Variants in GRIN2B observed in about 807,000 individuals in gnomAD.
The protein encoded by GRIN2B is glutamate receptor ionotropic, NMDA 2B.
GRIN2B carries 5 observed loss-of-function variants against 114.5 expected under a neutral mutation model. The observed-to-expected ratio is 0.04, with a 90% CI of 0.02 to 0.09. The LOEUF is 0.09. Ranked by LOEUF, GRIN2B falls within the 10% of genes least tolerant of loss-of-function variation. The pLI, the probability that GRIN2B is intolerant of heterozygous loss-of-function variation, is 1.00. For missense variants in GRIN2B, 1,108 were observed against 1,943.5 expected, an observed-to-expected ratio of 0.57 and a Z score of 8.08; for synonymous variants, 787 against 745.1, an observed-to-expected ratio of 1.06 and a Z score of -0.92.
At chr12:13,717,618 G>C (rs538271928) in intron 4 of GRIN2B, among the ~76,000 whole-genome samples, 2 of 151,898 alleles carry the variant, frequency 1.3e-5, no homozygotes, top group African/African-American at 2.4e-5. Flanking sequence ...CAGTAGACGC[G>C]CGAGAACCCA....
chr12:13,548,916 T>C lies in GRIN2B; in HGVS notation c.*13867A>G, dbSNP rs1274286919. On this transcript the variant is annotated 3_prime_UTR_variant, in exon 14 of 14. Coordinates refer to ENST00000609686, the MANE Select transcript of GRIN2B (RefSeq NM_000834.5). Reference sequence around the variant, plus strand: ...GATCAGTACACTCTGAAGTTGATGGTATAGAAGTCTCCTCACTCATTCATC... The same window carrying C: ...GATCAGTACACTCTGAAGTTGATGGCATAGAAGTCTCCTCACTCATTCATC... The C allele has an allele frequency of 1.3e-5, 2 of 151,990 alleles. No individual in the cohort carries two copies. The highest frequency in any genetic ancestry group is 4.8e-5 in the African/African-American group (2 of 41,340). 9.4% of individuals were successfully genotyped at this position (151,990 alleles called of 1,614,324 possible). A position where few individuals can be genotyped will look rare whatever the true frequency, so the allele number is the denominator to read the frequency against.
chr12:13,981,541 A>G lies in GRIN2B; in HGVS notation c.-647T>C, dbSNP rs926232889. On this transcript the variant is annotated 5_prime_UTR_variant, in exon 1 of 14. Coordinates refer to ENST00000609686, the MANE Select transcript of GRIN2B (RefSeq NM_000834.5). The stretch of plus-strand genomic sequence containing the variant: ...TGGTGGTGATCAAGAATCACCCTTG[A>G]CGAGCACTCTCGATAGAGCGAAGCC... 2 of 151,826 alleles carry G rather than the reference A, an allele frequency of 1.3e-5. No individual in the cohort carries two copies. Among genetic ancestry groups the G allele is most frequent in the South Asian group, 2.1e-4 (1 of 4,764 alleles). 9.4% of individuals were successfully genotyped at this position (151,826 alleles called of 1,614,324 possible). A position where few individuals can be genotyped will look rare whatever the true frequency, so the allele number is the denominator to read the frequency against.
chr12:13,635,427 C>T (rs1949658466), intron 5 of GRIN2B, among the ~76,000 whole-genome samples: 1 of 152,158 alleles, frequency 6.6e-6, no homozygotes, highest in South Asian at 2.1e-4. Flanking sequence ...TTCCCAGACA[C>T]CATGTTACTA....
intron 5 of GRIN2B, chr12:13,634,332 C>A (rs1176087624): frequency 6.6e-6 from 1 of 152,198 alleles, no homozygotes; most frequent in African/African-American, 2.4e-5. Context: ...ACTGCCATAA[C>A]AAATAGTCTG....
At chr12:13,597,167 A>G (rs1472902275) in intron 10 of GRIN2B, among the ~76,000 whole-genome samples, 1 of 152,198 alleles carries the variant, frequency 6.6e-6, no homozygotes, top group Non-Finnish European at 1.5e-5. Context: ...GTGGACATAA[A>G]GATTAAAAGT....
chr12:13,799,794 G>T (rs559037792), intron 3 of GRIN2B, among the ~76,000 whole-genome samples: 1 of 152,170 alleles, frequency 6.6e-6, no homozygotes, highest in Non-Finnish European at 1.5e-5. Context: ...AAGATGGCAG[G>T]GGGTACAGGC....
chr12:13,894,484 A>C (rs950350755), intron 2 of GRIN2B, among the ~76,000 whole-genome samples: 2 of 152,128 alleles, frequency 1.3e-5, no homozygotes, highest in African/African-American at 4.8e-5. Context: ...GCACCAAAAA[A>C]CGGTGTGATT....
intron 3 of GRIN2B, among the ~76,000 whole-genome samples, chr12:13,860,103 T>C (rs1426520122): frequency 2.0e-5 from 3 of 152,064 alleles, no homozygotes; most frequent in East Asian, 1.9e-4. Context: ...GGGAAGGCAA[T>C]AGTCTACTCC....
chr12:13,739,418 A>T (rs1429563978), intron 4 of GRIN2B, among the ~76,000 whole-genome samples: 2 of 151,416 alleles, frequency 1.3e-5, no homozygotes, highest in African/African-American at 4.8e-5. Context: ...AAAGGAAAAA[A>T]AAAGCTAACT....
At chr12:13,966,336 C>T (rs1203865153) in intron 2 of GRIN2B, among the ~76,000 whole-genome samples, 1 of 152,168 alleles carries the variant, frequency 6.6e-6, no homozygotes, top group African/African-American at 2.4e-5. Context: ...CCTCCGTTGT[C>T]TTCCTTCATT....
At chr12:13,607,232 T>C (rs1268878243) in intron 10 of GRIN2B, among the ~76,000 whole-genome samples, 2 of 92,312 alleles carry the variant, frequency 2.2e-5, no homozygotes, top group Non-Finnish European at 3.7e-5. Flanking sequence ...AAATATATAA[T>C]ATATATTATA....
intron 4 of GRIN2B, among the ~76,000 whole-genome samples, chr12:13,702,930 C>A (rs1156611072): frequency 6.6e-6 from 1 of 152,138 alleles, no homozygotes; most frequent in East Asian, 1.9e-4. Flanking sequence ...AGAAAGGGCA[C>A]TGCACAAACT....
Position 13,692,760 on chromosome 12 carries a change from C to CTTTCTTTTT in GRIN2B, c.1011-16902_1011-16901insAAAAAGAAA, listed in dbSNP as rs1427827056. On this transcript the variant is annotated intron_variant, in intron 4 of 13. Coordinates refer to ENST00000609686, the MANE Select transcript of GRIN2B (RefSeq NM_000834.5). ...ACTTATTTTCATTAATCTTTCTTTT[C>CTTTCTTTTT]TTTTTTTTTTTTTTTTTTTTTTTTT... Among the ~76,000 whole-genome samples, 142 of 52,116 alleles carry CTTTCTTTTT rather than the reference C, an allele frequency of 2.7e-3. 1 individual carries two copies. Among genetic ancestry groups the CTTTCTTTTT allele is most frequent in the Non-Finnish European group, 3.4e-3 (95 of 27,540 alleles). The allele number at this position is 52,116 out of a possible 152,430, so 34.2% of individuals were successfully genotyped here.
chr12:13,539,300 G>T lies in GRIN2B; in HGVS notation c.*23483C>A, dbSNP rs1284189878. On this transcript the variant is annotated 3_prime_UTR_variant, in exon 14 of 14. Transcript: ENST00000609686. ...CCATGAGACAGAGTTCTTCTAAATG[G>T]TCTCTAGAAGGTCCTTTCCAGTACT... 2 of 152,310 alleles carry T rather than the reference G, an allele frequency of 1.3e-5. No individual in the cohort carries two copies. The highest frequency in any genetic ancestry group is 3.9e-4 in the East Asian group (2 of 5,186). The allele number at this position is 152,310 out of a possible 1,614,324, so 9.4% of individuals were successfully genotyped here.
chr12:13,606,887 C>G (rs1949256520), intron 10 of GRIN2B, among the ~76,000 whole-genome samples: 1 of 149,918 alleles, frequency 6.7e-6, no homozygotes, highest in African/African-American at 2.5e-5. Context: ...ATAAAAGCTT[C>G]CAAATAAGAG....
chr12:13,571,496 C>A (rs1202625925), intron 11 of GRIN2B, among the ~76,000 whole-genome samples: 1 of 152,160 alleles, frequency 6.6e-6, no homozygotes, highest in Non-Finnish European at 1.5e-5. Flanking sequence ...ACATACACGG[C>A]ACAAATACCT....
intron 2 of GRIN2B, among the ~76,000 whole-genome samples, chr12:13,972,518 T>C (rs554420357): frequency 6.6e-6 from 1 of 152,152 alleles, no homozygotes; most frequent in Non-Finnish European, 1.5e-5. Context: ...CCATTACATA[T>C]AAGAGAGAAC....
At chr12:13,946,832 T>G (rs1304776056) in intron 2 of GRIN2B, among the ~76,000 whole-genome samples, 2 of 152,232 alleles carry the variant, frequency 1.3e-5, no homozygotes. Flanking sequence ...TGTTATCTTT[T>G]AATAAGCTGG....
At position 13,559,462 on chromosome 12, in the gene GRIN2B, T is replaced by C. The variant is rs1471537778; in HGVS notation, c.*3321A>G. ...GTCTGGTTAACCCAAGGCCAGATTA[T>C]GAACACCTGGCTCGAGGCCAGTAGC... is the stretch of plus-strand genomic sequence containing the variant. On this transcript the variant is annotated 3_prime_UTR_variant, in exon 14 of 14. Transcript: ENST00000609686. The C allele has an allele frequency of 6.6e-6, 1 of 152,222 alleles. No homozygotes were observed. Among genetic ancestry groups the C allele is most frequent in the African/African-American group, 2.4e-5 (1 of 41,446 alleles). 9.4% of individuals were successfully genotyped at this position (152,222 alleles called of 1,614,324 possible).
Sources: gnomAD v4.1 joint callset for allele counts (sites outside exome capture counted in the v4.1 genomes callset) on GRCh38, gnomAD v4.1.1 for gene constraint, MANE v1.5 for transcripts, NCBI Gene and HGNC (gene_info 2026-07-23, HGNC 2026-07-21) for gene names.